ATP11A: variants seen among roughly 807,000 people sequenced by gnomAD.
ATP11A encodes ATPase phospholipid transporting 11A.
In ATP11A, 81 loss-of-function variants were observed where a neutral mutation model predicts 154.4. The ratio of observed to expected loss-of-function variants is 0.52; its 90% confidence interval spans 0.44 to 0.63. The LOEUF is 0.63. Among genes scored for constraint, ATP11A ranks in the 30% least tolerant of loss-of-function variants. The probability of loss-of-function intolerance (pLI) is 0.00; values close to 1 mark genes in which losing one functional copy is unlikely to be tolerated. For missense variants in ATP11A, 1,316 were observed against 1,474.3 expected, an observed-to-expected ratio of 0.89 and a Z score of 1.76; for synonymous variants, 623 against 585.9, an observed-to-expected ratio of 1.06 and a Z score of -0.91.
chr13:112,740,142 CTCTCTCTATA>C (rs1461383869), intron 1 of ATP11A, among the ~76,000 whole-genome samples: 13 of 104,458 alleles, frequency 1.2e-4, no homozygotes, highest in East Asian at 3.0e-4. Flanking sequence ...CTCTCTCTCT[CTCTCTCTATA>C]TATATATATA....
At chr13:112,821,511 G>A (rs1054959512) in intron 8 of ATP11A, among the ~76,000 whole-genome samples, 32 of 152,056 alleles carry the variant, frequency 2.1e-4, no homozygotes, top group African/African-American at 7.7e-4. Flanking sequence ...ATGGGGTTTT[G>A]CCATGTCGGT....
rs748094207 is a variant in ATP11A at position 112,881,996 on chromosome 13, T to C, written c.*130T>C. On this transcript the variant is annotated 3_prime_UTR_variant, in exon 30 of 30. Transcript: ENST00000375645. ...GGAGCCCCCACCCATCCTCGGCGGT[T>C]CCCATCACCACTGCAGTTCCATCCC... The C allele has an allele frequency of 1.5e-6, 2 of 1,367,598 alleles. No homozygotes were observed. Among genetic ancestry groups the C allele is most frequent in the African/African-American group, 3.0e-5 (2 of 67,680 alleles). The allele number at this position is 1,367,598 out of a possible 1,614,324, so 84.7% of individuals were successfully genotyped here. A position where few individuals can be genotyped will look rare whatever the true frequency, so the allele number is the denominator to read the frequency against.
At chr13:112,706,174 C>T (rs1009685939) in intron 1 of ATP11A, among the ~76,000 whole-genome samples, 4 of 151,964 alleles carry the variant, frequency 2.6e-5, no homozygotes, top group South Asian at 4.2e-4. Context: ...CAGGATGGAC[C>T]GAGATAGGAG....
chr13:112,690,882 A>T lies in ATP11A; in HGVS notation c.39+427A>T, dbSNP rs1164870435. 6.6e-6 allele frequency among the ~76,000 whole-genome samples: 1 copy of T among 152,184 alleles called. No homozygotes were observed. The highest frequency in any genetic ancestry group is 1.5e-5 in the Non-Finnish European group (1 of 68,018). On this transcript the variant is annotated intron_variant, in intron 1 of 29. Transcript: ENST00000375645. This position sits in a 1 kb window ranked among gnomAD's most constrained non-coding sequence, Gnocchi z 5.6. ...GCGGCTTCCGCGCAGCCGTGTCTGTAAGATTAAGGGATTGGGAGGAAGCGT... is the reference window on the plus strand; with the variant it reads ...GCGGCTTCCGCGCAGCCGTGTCTGTTAGATTAAGGGATTGGGAGGAAGCGT...
chr13:112,865,539 T>G (rs1490189133), intron 25 of ATP11A, among the ~76,000 whole-genome samples: 1 of 151,736 alleles, frequency 6.6e-6, no homozygotes, highest in African/African-American at 2.4e-5. Flanking sequence ...CCTGCTGAAG[T>G]TTTTTTTTGT....
intron 25 of ATP11A, among the ~76,000 whole-genome samples, chr13:112,869,146 A>T (rs913910448): frequency 7.2e-5 from 11 of 152,232 alleles, no homozygotes; most frequent in Non-Finnish European, 1.3e-4. Flanking sequence ...CAGGCCACCA[A>T]GGGAATAAGA....
chr13:112,713,757 T>G (rs1888040655), intron 1 of ATP11A, among the ~76,000 whole-genome samples: 1 of 152,066 alleles, frequency 6.6e-6, no homozygotes, highest in Admixed American at 6.5e-5. Context: ...AAGGATAAAA[T>G]GAAACCAGAC....
intron 18 of ATP11A, among the ~76,000 whole-genome samples, chr13:112,853,281 TACACAC>T (rs71879208): frequency 6.6e-6 from 1 of 151,304 alleles, no homozygotes; most frequent in African/African-American, 2.4e-5. Context: ...CATATGTACA[TACACAC>T]ACACACACAT....
At chr13:112,771,259 T>C (rs1479563958) in intron 1 of ATP11A, among the ~76,000 whole-genome samples, 1 of 152,164 alleles carries the variant, frequency 6.6e-6, no homozygotes, top group Non-Finnish European at 1.5e-5. Flanking sequence ...TCCAGCGATT[T>C]TCTGATTGAA....
At chr13:112,837,381 C>T (rs2079265207) in intron 16 of ATP11A, among the ~76,000 whole-genome samples, 1 of 152,228 alleles carries the variant, frequency 6.6e-6, no homozygotes, top group Non-Finnish European at 1.5e-5. Context: ...AGCCCCATAG[C>T]AGCGTGCAGG....
intron 12 of ATP11A, among the ~76,000 whole-genome samples, chr13:112,828,369 A>T (rs144186706): frequency 8.8e-4 from 103 of 117,262 alleles, no homozygotes; most frequent in African/African-American, 3.0e-3. Context: ...AGTGTTAAGT[A>T]GGAGGGAAAG....
In ATP11A at chr13:112,807,098, T is replaced by C. The variant is rs1206457650; in HGVS notation, c.333+805T>C. On this transcript the variant is annotated intron_variant, in intron 4 of 29. Transcript: ENST00000375645. The surrounding 1 kb of genome is among the most constrained non-coding windows in gnomAD (Gnocchi z 4.5). ...TTCTGAATAATGCTGCTGAGAACAT[T>C]TGTGTTTCACACCCACCAGATTGGC... Among the ~76,000 whole-genome samples, 1 of 152,230 alleles carries C rather than the reference T, an allele frequency of 6.6e-6. No individual in the cohort carries two copies. The highest frequency in any genetic ancestry group is 2.4e-5 in the African/African-American group (1 of 41,468).
At chr13:112,819,247 G>C in intron 6 of ATP11A, 57 bp from the exon 7 acceptor site, 2 of 1,483,310 alleles carry the variant, frequency 1.3e-6, no homozygotes, top group Admixed American at 1.7e-5. Flanking sequence ...AGGCACCAGC[G>C]TCTGGGTTTG....
chr13:112,770,455 G>A (rs1196355656), intron 1 of ATP11A, among the ~76,000 whole-genome samples: 3 of 152,224 alleles, frequency 2.0e-5, no homozygotes, highest in Non-Finnish European at 1.5e-5. Flanking sequence ...TGAGTGTGAC[G>A]AGAGTGGGGA....
At chr13:112,780,231 A>T (rs1174972355) in intron 1 of ATP11A, among the ~76,000 whole-genome samples, 5 of 152,142 alleles carry the variant, frequency 3.3e-5, no homozygotes, top group Admixed American at 2.0e-4. Context: ...ACTGGAAAAT[A>T]TTCAAAGTCG....
intron 1 of ATP11A, among the ~76,000 whole-genome samples, chr13:112,752,485 C>T (rs989036852): frequency 6.6e-6 from 1 of 152,124 alleles, no homozygotes; most frequent in Non-Finnish European, 1.5e-5. Flanking sequence ...GGTGGGCGCC[C>T]CTGTGCGGAG....
intron 1 of ATP11A, chr13:112,745,994 T>TA (rs1319337538): frequency 1.3e-5 from 2 of 152,248 alleles, no homozygotes; most frequent in Non-Finnish European, 2.9e-5. Flanking sequence ...CCACTTTAGA[T>TA]ACGTCATTTC....
At chr13:112,858,049 C>T (rs547200440) in intron 21 of ATP11A, 96 bp from the exon 22 acceptor site, 98 of 1,574,150 alleles carry the variant, frequency 6.2e-5, no homozygotes, top group African/African-American at 1.1e-4. Context: ...ACCGGGAAGG[C>T]TCATGATGAT....
At chr13:112,796,020 G>C (rs371244869) in intron 2 of ATP11A, among the ~76,000 whole-genome samples, 7 of 152,224 alleles carry the variant, frequency 4.6e-5, no homozygotes, top group African/African-American at 1.7e-4. Flanking sequence ...AAATTATCTT[G>C]AGGTGGGGTT....
Sources: gnomAD v4.1 joint callset for allele counts (sites outside exome capture counted in the v4.1 genomes callset) on GRCh38, gnomAD v4.1.1 for gene constraint, Gnocchi (gnomAD v3.1) non-coding constraint, MANE v1.5 for transcripts, NCBI Gene and HGNC (gene_info 2026-07-23, HGNC 2026-07-21) for gene names.